USP14: variants seen among roughly 807,000 people sequenced by gnomAD.
USP14 encodes ubiquitin carboxyl-terminal hydrolase 14.
Under a neutral mutation model 76.5 loss-of-function variants are expected in USP14, and 38 were observed. The observed-to-expected ratio is 0.50, with a 90% CI of 0.38 to 0.65. The LOEUF (loss-of-function observed/expected upper bound fraction) is 0.65, where lower values mean the gene tolerates loss of function less well. Among genes scored for constraint, USP14 ranks in the 30% least tolerant of loss-of-function variants. The pLI, the probability that USP14 is intolerant of heterozygous loss-of-function variation, is 0.00. For synonymous variants in USP14, 192 were observed against 191.7 expected (o/e 1.00, Z -0.01); for missense variants, 467 against 586.5 (o/e 0.80, Z 2.10).
rs1229180750 is a variant in USP14, at chr18:180,226, TTC to T, written c.301-9_301-8del. On this transcript the variant is annotated splice_region_variant and splice_polypyrimidine_tract_variant and intron_variant, in intron 4 of 15. Coordinates refer to ENST00000261601, the MANE Select transcript of USP14 (RefSeq NM_005151.4). Reference sequence around the variant, plus strand: ...TGATTTAATCCTTTTTTTTTTTTTTTTCCAACTAGATGGAGTTACCATGTGGA... The same window carrying T: ...TGATTTAATCCTTTTTTTTTTTTTTTCAACTAGATGGAGTTACCATGTGGA... 5.6e-6 allele frequency: 8 copies of T among 1,432,038 alleles called. No individual in the cohort carries two copies. The highest frequency in any genetic ancestry group is 4.1e-5 in the South Asian group (3 of 73,444). The allele number at this position is 1,432,038 out of a possible 1,614,324, so 88.7% of individuals were successfully genotyped here.
chr18:166,084 C>G (rs1427870701), intron 2 of USP14, among the ~76,000 whole-genome samples: 1 of 152,154 alleles, frequency 6.6e-6, no homozygotes, highest in Non-Finnish European at 1.5e-5. Flanking sequence ...TAGACATTAA[C>G]TCTTCATTCT....
chr18:170,013 C>T (rs1598264619), intron 3 of USP14, among the ~76,000 whole-genome samples: 2 of 151,954 alleles, frequency 1.3e-5, no homozygotes, highest in Admixed American at 6.6e-5. Context: ...CAATTAATAA[C>T]CCTACAGGCT....
Position 214,538 on chromosome 18 carries a change from T to C in USP14, c.*3254T>C. The C allele has an allele frequency of 1.9e-6, 2 of 1,063,062 alleles. No individual in the cohort carries two copies. The highest frequency in any genetic ancestry group is 2.7e-6 in the Non-Finnish European group (2 of 736,196). 65.9% of individuals were successfully genotyped at this position (1,063,062 alleles called of 1,614,324 possible). ...ACAACAATTGTTATAAAAATGTTTA[T>C]TGTTTACCAAAACCAGTGGACCTCT... On this transcript the variant is annotated 3_prime_UTR_variant, in exon 16 of 16. Coordinates refer to ENST00000261601, the MANE Select transcript of USP14 (RefSeq NM_005151.4).
At position 172,389 on chromosome 18, in the gene USP14, G is replaced by GTTGAATGTTGT. The variant is rs529716925; in HGVS notation, c.195+5571_195+5572insTGAATGTTGTT. Among the ~76,000 whole-genome samples, 461 of 152,308 alleles carry GTTGAATGTTGT rather than the reference G, an allele frequency of 3.0e-3. 1 individual carries two copies. The highest frequency in any genetic ancestry group is 0.01 in the African/African-American group (436 of 41,568). On this transcript the variant is annotated intron_variant, in intron 3 of 15. Coordinates refer to ENST00000261601, the MANE Select transcript of USP14 (RefSeq NM_005151.4). ...AGACTCTACTCCTAGTGAAGAAGCT[G>GTTGAATGTTGT]TGAATGTTGTTGAAATGACAATAAA...
chr18:191,228 A>G (rs569397467), intron 5 of USP14, among the ~76,000 whole-genome samples: 7 of 152,294 alleles, frequency 4.6e-5, no homozygotes, highest in Admixed American at 3.3e-4. Flanking sequence ...AACACACATA[A>G]TTCAGGCATT....
At chr18:193,449 T>A (rs1441123045) in intron 6 of USP14, among the ~76,000 whole-genome samples, 1 of 152,182 alleles carries the variant, frequency 6.6e-6, no homozygotes, top group East Asian at 1.9e-4. Context: ...ATTGATATAG[T>A]GTACATATCA....
intron 1 of USP14, among the ~76,000 whole-genome samples, chr18:162,462 A>C (rs1416544746): frequency 6.6e-6 from 1 of 152,126 alleles, no homozygotes; most frequent in African/African-American, 2.4e-5. Flanking sequence ...TTTTTTCTTA[A>C]TTGAGCACCT....
At chr18:158,820 G>T in intron 1 of USP14, 106 bp downstream of exon 1, 1 of 1,265,130 alleles carries the variant, frequency 7.9e-7, no homozygotes, top group Non-Finnish European at 9.9e-7. Context: ...GGAGGGGCCG[G>T]GGTGGGGTGC....
At chr18:173,407 G>A (rs1014170988) in intron 3 of USP14, among the ~76,000 whole-genome samples, 3 of 149,662 alleles carry the variant, frequency 2.0e-5, no homozygotes, top group Admixed American at 6.7e-5. Context: ...CACCATGCCC[G>A]GCCTATATTG....
intron 5 of USP14, among the ~76,000 whole-genome samples, chr18:188,523 TTTC>T (rs1450632047): frequency 1.3e-5 from 2 of 151,006 alleles, no homozygotes; most frequent in Non-Finnish European, 2.9e-5. Flanking sequence ...TTTTTTTTTT[TTTC>T]CTTTGTGAGG....
Position 209,909 on chromosome 18 carries a change from C to T in USP14, c.1165-62C>T, listed in dbSNP as rs1447991394. On this transcript the variant is annotated intron_variant, in intron 13 of 15. Coordinates refer to ENST00000261601, the MANE Select transcript of USP14 (RefSeq NM_005151.4). ...AAATATTTATGAAATTGAACACTTA[C>T]AGAGAATTCAAATTTTATTTCCAAA... 4 of 1,303,180 alleles carry T rather than the reference C, an allele frequency of 3.1e-6. No homozygotes were observed. In the Admixed American group the frequency reaches 8.1e-5, roughly 26 times the overall value. The allele number at this position is 1,303,180 out of a possible 1,614,324, so 80.7% of individuals were successfully genotyped here.
chr18:171,025 A>AAAAAAAAATATATATAT (rs1327304974), intron 3 of USP14, among the ~76,000 whole-genome samples: 16 of 47,628 alleles, frequency 3.4e-4, no homozygotes, highest in African/African-American at 1.2e-3. Context: ...AAAAAAAAAA[A>AAAAAAAAATATATATAT]ATATATATAT....
chr18:213,993 A>AGATAGATAGATAGAT lies in USP14; in HGVS notation c.*2716_*2717insAGATAGATGATAGAT, dbSNP rs1567839603. 2.7e-5 allele frequency: 4 copies of AGATAGATAGATAGAT among 150,530 alleles called. No individual in the cohort carries two copies. The highest frequency in any genetic ancestry group is 9.7e-5 in the African/African-American group (4 of 41,218). The allele number at this position is 150,530 out of a possible 1,614,324, so 9.3% of individuals were successfully genotyped here. A position where few individuals can be genotyped will look rare whatever the true frequency, so the allele number is the denominator to read the frequency against. ...AGATAGATTAGATAGATAGATAGAT[A>AGATAGATAGATAGAT]GATAGATGATGATTGATTGATGATT... On this transcript the variant is annotated 3_prime_UTR_variant, in exon 16 of 16. Coordinates refer to ENST00000261601, the MANE Select transcript of USP14 (RefSeq NM_005151.4).
intron 5 of USP14, among the ~76,000 whole-genome samples, chr18:181,196 C>G (rs1909780116): frequency 6.6e-6 from 1 of 152,104 alleles, no homozygotes; most frequent in Admixed American, 6.6e-5. Context: ...ATGAGTAATG[C>G]TGCAGTGAAC....
At chr18:184,411 A>G (rs550720210) in intron 5 of USP14, among the ~76,000 whole-genome samples, 4 of 152,212 alleles carry the variant, frequency 2.6e-5, no homozygotes, top group African/African-American at 9.6e-5. Flanking sequence ...GAGGAAGACC[A>G]TCCTCACAAA....
Position 158,703 on chromosome 18 carries a change from C to T in USP14, c.5C>T (p.Pro2Leu). The change falls in exon 1 of 16, where the codon CCG (proline) becomes CTG (leucine). Residue 2 changes from proline (P) to leucine (L), a missense_variant. Pro to Leu is a moderately conservative substitution (Grantham distance 98). Transcript: ENST00000261601. ...CGCCTCCCGCCGCGCCCCGCCATGC[C>T]GCTCTACTCCGGTGAGCCCTGTCCT... M[P>L]LYSVTVKWGK... 1 of 1,535,542 alleles carries T rather than the reference C, an allele frequency of 6.5e-7. No homozygotes were observed. The highest frequency in any genetic ancestry group is 8.7e-7 in the Non-Finnish European group (1 of 1,150,754).
Position 163,426 on chromosome 18 carries a change from A to G in USP14, c.135A>G (p.Lys45=), listed in dbSNP as rs1015451042. Residue 45 remains lysine (K), a synonymous_variant, in exon 2 of 16, where the codon AAA becomes AAG. Coordinates refer to ENST00000261601, the MANE Select transcript of USP14 (RefSeq NM_005151.4). ...ALTGVQPARQ[K]VMVKGGTLKD... ...CTGGAGTCCAGCCTGCCAGACAGAA[A>G]GTTATGGTGAAAGGAGGAACGCTAA... 1.9e-6 allele frequency: 3 copies of G among 1,613,674 alleles called. No individual in the cohort carries two copies. Among genetic ancestry groups the G allele is most frequent in the Non-Finnish European group, 2.5e-6 (3 of 1,179,862 alleles).
At chr18:183,272 T>C (rs954838486) in intron 5 of USP14, among the ~76,000 whole-genome samples, 1 of 152,030 alleles carries the variant, frequency 6.6e-6, no homozygotes, top group Admixed American at 6.5e-5. Flanking sequence ...AGGTCTGATA[T>C]CAGTCTTGAT....
Position 213,847 on chromosome 18 carries a change from C to G in USP14, c.*2563C>G, listed in dbSNP as rs1910749840. On this transcript the variant is annotated 3_prime_UTR_variant, in exon 16 of 16. Coordinates refer to ENST00000261601, the MANE Select transcript of USP14 (RefSeq NM_005151.4). Reference sequence around the variant, plus strand: ...TCTCAGTTGAATGTCACAAGAATCCCTGAAGTGATTAAAAGTCTTGAGAGG... The same window carrying G: ...TCTCAGTTGAATGTCACAAGAATCCGTGAAGTGATTAAAAGTCTTGAGAGG... 6.6e-6 allele frequency: 1 copy of G among 152,166 alleles called. No individual in the cohort carries two copies. The highest frequency in any genetic ancestry group is 1.5e-5 in the Non-Finnish European group (1 of 68,060). 9.4% of individuals were successfully genotyped at this position (152,166 alleles called of 1,614,324 possible). A position where few individuals can be genotyped will look rare whatever the true frequency, so the allele number is the denominator to read the frequency against.
Sources: allele counts gnomAD v4.1 joint callset (sites outside exome capture counted in the v4.1 genomes callset), GRCh38; gene constraint gnomAD v4.1.1; transcripts MANE v1.5; gene names NCBI Gene and HGNC (gene_info 2026-07-23, HGNC 2026-07-21).